OR4K1: variants seen among roughly 807,000 people sequenced by gnomAD.
OR4K1 encodes olfactory receptor family 4 subfamily K member 1, also known as olfactory receptor 4K1.
OR4K1 carries 16 observed loss-of-function variants against 14.4 expected under a neutral mutation model. That is an observed-to-expected ratio of 1.11 (90% CI 0.75 to 1.68). The LOEUF is 1.68. OR4K1 is among the 40% of genes most tolerant of loss of function. OR4K1 has a pLI of 0.00. For missense variants in OR4K1, 548 were observed against 376.9 expected, an observed-to-expected ratio of 1.45 and a Z score of -3.76; for synonymous variants, 181 against 133.1, an observed-to-expected ratio of 1.36 and a Z score of -2.48.
chr14:19,935,784 C>T lies in OR4K1; in HGVS notation c.118C>T (p.Leu40=), dbSNP rs761990421. The T allele has an allele frequency of 1.9e-6, 3 of 1,614,084 alleles. No individual in the cohort carries two copies. Among genetic ancestry groups the T allele is most frequent in the East Asian group, 2.2e-5 (1 of 44,888 alleles). The change falls in exon 2 of 2, where the codon CTA becomes TTA. Residue 40 remains leucine (L), a synonymous_variant. Transcript: ENST00000641172. ...IFSIVYVTSV[L]GNVLIIVIIS... ...CTCTATAGTCTATGTGACATCAGTG[C>T]TAGGCAATGTCTTAATTATTGTCAT... is the stretch of plus-strand genomic sequence containing the variant.
intron 1 of OR4K1, among the ~76,000 whole-genome samples, chr14:19,931,856 T>C (rs1882192390): frequency 6.6e-6 from 1 of 152,280 alleles, no homozygotes; most frequent in South Asian, 2.1e-4. Flanking sequence ...GAAGGAATGC[T>C]AACTTTTATA....
At position 19,936,066 on chromosome 14, in the gene OR4K1, A is replaced by G; in HGVS notation, c.400A>G (p.Thr134Ala). 2 of 1,614,234 alleles carry G rather than the reference A, an allele frequency of 1.2e-6. No individual in the cohort carries two copies. The highest frequency in any genetic ancestry group is 1.7e-6 in the Non-Finnish European group (2 of 1,180,042). ...CATATGTAAGCCTCTGCACTACAGT[A>G]CAATTATGAACCGGAGGCTCTGTGT... ...IAICKPLHYS[T>A]IMNRRLCVIF... The change falls in exon 2 of 2, where the codon ACA becomes GCA. Residue 134 changes from threonine (T) to alanine (A), a missense_variant. Transcript: ENST00000641172.
chr14:19,920,844 A>G, the OR4K1 span: 2 of 1,614,206 alleles, frequency 1.2e-6, no homozygotes, highest in South Asian at 1.1e-5. Flanking sequence ...TGCTACCCCT[A>G]AAATGATTGC....
chr14:19,921,581 C>T, the OR4K1 span: 1 of 1,603,568 alleles, frequency 6.2e-7, no homozygotes, highest in Non-Finnish European at 8.5e-7. Flanking sequence ...TTCATTAAGA[C>T]AAAACTCCTT....
At chr14:19,931,821 G>A (rs1882191398) in intron 1 of OR4K1, among the ~76,000 whole-genome samples, 1 of 152,218 alleles carries the variant, frequency 6.6e-6, no homozygotes, top group Non-Finnish European at 1.5e-5. Flanking sequence ...TAATGAAGAA[G>A]CTTCTGGGTG....
Position 19,935,834 on chromosome 14 carries a change from C to T in OR4K1, c.168C>T (p.Asn56=), listed in dbSNP as rs183683528. ...TTATTTCTTTTGACTCCCATTTGAA[C>T]TCTCCTATGTACTTCTTGCTCAGTA... The part of the protein sequence containing the change: ...IVIISFDSHL[N]SPMYFLLSNL... The change falls in exon 2 of 2, where the codon AAC becomes AAT. Residue 56 remains asparagine (N), a synonymous_variant. Transcript: ENST00000641172. 1 of 1,614,218 alleles carries T rather than the reference C, an allele frequency of 6.2e-7. No individual in the cohort carries two copies. The highest frequency in any genetic ancestry group is 8.5e-7 in the Non-Finnish European group (1 of 1,180,034).
chr14:19,933,539 T>C (rs548728645), intron 1 of OR4K1, among the ~76,000 whole-genome samples: 11 of 152,222 alleles, frequency 7.2e-5, no homozygotes, highest in Non-Finnish European at 1.3e-4. Flanking sequence ...AAACTTGTAG[T>C]TAGGTCAGTT....
intron 1 of OR4K1, among the ~76,000 whole-genome samples, chr14:19,934,169 T>C (rs150731117): frequency 5.6e-4 from 85 of 152,294 alleles, no homozygotes; most frequent in Middle Eastern, 3.4e-3. Flanking sequence ...CAAATAAATA[T>C]CTGTTGTGTA....
chr14:19,934,464 G>C (rs1043997889), intron 1 of OR4K1, among the ~76,000 whole-genome samples: 4 of 152,260 alleles, frequency 2.6e-5, no homozygotes, highest in African/African-American at 9.6e-5. Flanking sequence ...TCAGAAGAAA[G>C]AGACTGAAAA....
At chr14:19,934,261 G>C (rs996190120) in intron 1 of OR4K1, among the ~76,000 whole-genome samples, 2 of 152,218 alleles carry the variant, frequency 1.3e-5, no homozygotes, top group Non-Finnish European at 2.9e-5. Context: ...CTGTGACCAA[G>C]TGGCCACATG....
At chr14:19,923,267 T>C in the OR4K1 span, among the ~76,000 whole-genome samples, 2 of 152,248 alleles carry the variant, frequency 1.3e-5, no homozygotes, top group African/African-American at 4.8e-5. Context: ...CGTTAATGCA[T>C]GTGTTTAGCC....
chr14:19,935,944 C>A lies in OR4K1; in HGVS notation c.278C>A (p.Ser93Tyr), dbSNP rs1296571978. 6.2e-7 allele frequency: 1 copy of A among 1,614,202 alleles called. No individual in the cohort carries two copies. Among genetic ancestry groups the A allele is most frequent in the African/African-American group, 1.3e-5 (1 of 75,064 alleles). ...TTTTTTATTGAGCGCAAGACTATCT[C>A]CTTTGAGGGTTGCATGGCCCAGATA... ...VDFFIERKTI[S>Y]FEGCMAQIFV... The change falls in exon 2 of 2, where the codon TCC (serine) becomes TAC (tyrosine). Residue 93 changes from serine to tyrosine, a missense_variant. Ser to Tyr is a moderately radical substitution (Grantham distance 144). Transcript: ENST00000641172.
the OR4K1 span, among the ~76,000 whole-genome samples, chr14:19,925,650 T>G: frequency 6.6e-6 from 1 of 152,286 alleles, no homozygotes; most frequent in Non-Finnish European, 1.5e-5. Flanking sequence ...ACTAAGTTGA[T>G]GAGCAGTCCT....
chr14:19,920,857 A>T, the OR4K1 span: 2 of 1,614,028 alleles, frequency 1.2e-6, no homozygotes, highest in African/African-American at 2.7e-5. Flanking sequence ...ATGATTGCAG[A>T]TTTTCTGAGT....
At chr14:19,933,490 G>C (rs1404275368) in intron 1 of OR4K1, among the ~76,000 whole-genome samples, 2 of 152,130 alleles carry the variant, frequency 1.3e-5, no homozygotes, top group African/African-American at 4.8e-5. Flanking sequence ...TGCCAGCATT[G>C]CCCCAAATCT....
At chr14:19,927,608 T>C (rs1175689929), upstream of OR4K1, among the ~76,000 whole-genome samples, 1 of 152,214 alleles carries the variant, frequency 6.6e-6, no homozygotes, top group Non-Finnish European at 1.5e-5. Flanking sequence ...CTCATACCAC[T>C]GCTACAGCTC....
the OR4K1 span, among the ~76,000 whole-genome samples, chr14:19,922,960 A>G: frequency 6.6e-6 from 1 of 152,200 alleles, no homozygotes; most frequent in Non-Finnish European, 1.5e-5. Flanking sequence ...TTTTGTGTGT[A>G]TGTGTCTGAT....
At chr14:19,924,010 A>G in the OR4K1 span, among the ~76,000 whole-genome samples, 2 of 152,242 alleles carry the variant, frequency 1.3e-5, no homozygotes, top group African/African-American at 4.8e-5. Context: ...AAATATGTTA[A>G]TGAGAGAAAT....
chr14:19,920,656 T>A, the OR4K1 span: 1 of 1,613,824 alleles, frequency 6.2e-7, no homozygotes, highest in Non-Finnish European at 8.5e-7. Flanking sequence ...CTGTTGGGAC[T>A]CTGTAGTTCT....
Sources: allele counts gnomAD v4.1 joint callset (sites outside exome capture counted in the v4.1 genomes callset), GRCh38; gene constraint gnomAD v4.1.1; transcripts MANE v1.5; gene names NCBI Gene and HGNC (gene_info 2026-07-23, HGNC 2026-07-21).